Variants in CCDC85C observed in about 807,000 individuals in gnomAD.
CCDC85C encodes the protein coiled-coil domain-containing protein 85C.
In CCDC85C, 18 loss-of-function variants were observed where a neutral mutation model predicts 38.3. The ratio of observed to expected loss-of-function variants is 0.47; its 90% CI spans 0.33 to 0.70. CCDC85C has a LOEUF of 0.70. Ranked by LOEUF, CCDC85C falls within the 30% of genes least tolerant of loss-of-function variation. The pLI, the probability that CCDC85C is intolerant of heterozygous loss-of-function variation, is 0.03. For synonymous variants in CCDC85C, 264 were observed against 293.8 expected (o/e 0.90, Z 1.04); for missense variants, 566 against 621.2 (o/e 0.91, Z 0.94).
chr14:99,534,763 G>A (rs775992933), intron 2 of CCDC85C: 10 of 701,452 alleles, frequency 1.4e-5, no homozygotes, highest in Non-Finnish European at 2.6e-5. Context: ...TGAGACCCCA[G>A]CCCCTCCTGC....
intron 1 of CCDC85C, among the ~76,000 whole-genome samples, chr14:99,598,567 C>G (rs541864378): frequency 3.3e-5 from 5 of 152,316 alleles, no homozygotes; most frequent in Admixed American, 2.0e-4. Flanking sequence ...CACAGGGAGA[C>G]AGGAATGAGG....
chr14:99,521,776 G>A (rs1047961161), intron 3 of CCDC85C, among the ~76,000 whole-genome samples: 2 of 152,242 alleles, frequency 1.3e-5, no homozygotes, highest in Non-Finnish European at 2.9e-5. Flanking sequence ...CATCAGGCTG[G>A]TCATTTCAGT....
Position 99,510,464 on chromosome 14 carries a change from C to T in CCDC85C, c.*4782G>A, listed in dbSNP as rs1897099776. The T allele has an allele frequency of 1.3e-6, 2 of 1,511,400 alleles. No homozygotes were observed. The highest frequency in any genetic ancestry group is 3.0e-5 in the African/African-American group (2 of 67,712). 93.6% of individuals were successfully genotyped at this position (1,511,400 alleles called of 1,614,324 possible). A position where few individuals can be genotyped will look rare whatever the true frequency, so the allele number is the denominator to read the frequency against. ...CACCTGCACACCTGCCCTACCACCC[C>T]CATGTCTACCCGCCCAACCCGCCCC... On this transcript the variant is annotated 3_prime_UTR_variant, in exon 6 of 6. Coordinates refer to ENST00000380243, the MANE Select transcript of CCDC85C (RefSeq NM_001144995.2).
At chr14:99,531,143 C>A (rs1043837015) in intron 2 of CCDC85C, among the ~76,000 whole-genome samples, 4 of 151,860 alleles carry the variant, frequency 2.6e-5, no homozygotes, top group African/African-American at 9.7e-5. Context: ...GTGGGCACAG[C>A]GTGGGGGAAG....
Position 99,510,830 on chromosome 14 carries a change from G to A in CCDC85C, c.*4416C>T, listed in dbSNP as rs769407837. On this transcript the variant is annotated 3_prime_UTR_variant, in exon 6 of 6. Transcript: ENST00000380243. Reference sequence around the variant, plus strand: ...GTTTTTTTAACAAGATTTTCTAATCGACTTGCAGAGTAGTTGAAGTGGGTA... The same window carrying A: ...GTTTTTTTAACAAGATTTTCTAATCAACTTGCAGAGTAGTTGAAGTGGGTA... The A allele has an allele frequency of 5.8e-6, 8 of 1,375,060 alleles. No homozygotes were observed. Among genetic ancestry groups the A allele is most frequent in the Non-Finnish European group, 7.5e-6 (8 of 1,059,776 alleles). 85.2% of individuals were successfully genotyped at this position (1,375,060 alleles called of 1,614,324 possible).
chr14:99,522,343 G>A (rs983664879), intron 2 of CCDC85C, 103 bp from the exon 3 acceptor site: 6 of 803,084 alleles, frequency 7.5e-6, no homozygotes, highest in South Asian at 1.8e-5. Flanking sequence ...TCAAAGGCAC[G>A]GCCCCGGAGG....
chr14:99,518,795 G>T (rs1467567763), intron 3 of CCDC85C, among the ~76,000 whole-genome samples: 1 of 152,210 alleles, frequency 6.6e-6, no homozygotes, highest in African/African-American at 2.4e-5. Context: ...AGGCAGGAGG[G>T]AAGCCAGGAG....
chr14:99,589,987 G>A (rs2139985966), intron 1 of CCDC85C, among the ~76,000 whole-genome samples: 1 of 152,282 alleles, frequency 6.6e-6, no homozygotes, highest in South Asian at 2.1e-4. Context: ...TCAGAGGTTG[G>A]GTTGCACCAA....
At chr14:99,528,803 T>A (rs1192087787) in intron 2 of CCDC85C, among the ~76,000 whole-genome samples, 1 of 151,808 alleles carries the variant, frequency 6.6e-6, no homozygotes, top group African/African-American at 2.4e-5. Context: ...AGAGAACTCA[T>A]TTGTAGGGGG....
chr14:99,502,465 C>G lies in CCDC85C; in HGVS notation c.*12781G>C. On this transcript the variant is annotated 3_prime_UTR_variant, in exon 6 of 6. Transcript: ENST00000380243. ...CCCTGAGTCCCAAGAATGGATTTTC[C>G]CAGATAGACATATGTGAGCAATATT... 1 of 1,504,926 alleles carries G rather than the reference C, an allele frequency of 6.6e-7. No homozygotes were observed. 93.2% of individuals were successfully genotyped at this position (1,504,926 alleles called of 1,614,324 possible).
Position 99,604,081 on chromosome 14 carries a change from C to G in CCDC85C, c.-122G>C. Reference sequence around the variant, plus strand: ...CGGCCGGGGGCGCGTGCGGCCCGCCCCGCGCCGCCTGGCGCGTCCTCTCGC... The same window carrying G: ...CGGCCGGGGGCGCGTGCGGCCCGCCGCGCGCCGCCTGGCGCGTCCTCTCGC... On this transcript the variant is annotated 5_prime_UTR_variant, in exon 1 of 6. Transcript: ENST00000380243. 6 of 952,466 alleles carry G rather than the reference C, an allele frequency of 6.3e-6. No individual in the cohort carries two copies. The highest frequency in any genetic ancestry group is 7.5e-6 in the Non-Finnish European group (6 of 803,492). 59.0% of individuals were successfully genotyped at this position (952,466 alleles called of 1,614,324 possible).
At chr14:99,593,137 A>C (rs957963895) in intron 1 of CCDC85C, among the ~76,000 whole-genome samples, 3 of 152,214 alleles carry the variant, frequency 2.0e-5, no homozygotes, top group African/African-American at 7.2e-5. Flanking sequence ...GTGCGCGGTG[A>C]CAGGCGGGCG....
At position 99,552,523 on chromosome 14, in the gene CCDC85C, G is replaced by A. The variant is rs146230197; in HGVS notation, c.794-16435C>T. Among the ~76,000 whole-genome samples, 1,097 of 152,322 alleles carry A rather than the reference G, an allele frequency of 7.2e-3. 3 individuals are homozygous for A. The highest frequency in any genetic ancestry group is 0.01 in the Non-Finnish European group (712 of 68,030). On this transcript the variant is annotated intron_variant, in intron 1 of 5. Transcript: ENST00000380243. ...TGTCCCCTCAGTCCGGTGGGACGAG[G>A]TCAGACTCTCTAGACCTCTCAAAGG...
rs1159223415 is a variant in CCDC85C, at chr14:99,576,902, G to A, written c.793+26265C>T. 6.6e-6 allele frequency among the ~76,000 whole-genome samples: 1 copy of A among 151,900 alleles called. No individual in the cohort carries two copies. The highest frequency in any genetic ancestry group is 1.5e-5 in the Non-Finnish European group (1 of 67,948). On this transcript the variant is annotated intron_variant, in intron 1 of 5. Transcript: ENST00000380243. The surrounding 1 kb of genome is among the most constrained non-coding windows in gnomAD (Gnocchi z 4.8). ...CTCCGGGTCACCCCGGATGCCTTCA[G>A]CACAGCTCCTACCCACACCCACTGC...
intron 2 of CCDC85C, among the ~76,000 whole-genome samples, chr14:99,524,820 T>A (rs4905846): frequency 0.88 from 133,446 of 152,256 alleles, 60,485 homozygotes; most frequent in East Asian, 1. Flanking sequence ...TGGCCCTTCC[T>A]CAGGGGGAGG....
At chr14:99,517,889 C>A (rs1897250770) in intron 3 of CCDC85C, among the ~76,000 whole-genome samples, 1 of 152,236 alleles carries the variant, frequency 6.6e-6, no homozygotes, top group East Asian at 1.9e-4. Flanking sequence ...AGGGGCCCAA[C>A]AGAAACCAGC....
chr14:99,567,991 A>G (rs1172154903), intron 1 of CCDC85C, among the ~76,000 whole-genome samples: 1 of 151,200 alleles, frequency 6.6e-6, no homozygotes, highest in Admixed American at 6.6e-5. Context: ...ACTGCCCCCC[A>G]CTCCCACCCC....
At chr14:99,566,019 C>T (rs1025265434) in intron 1 of CCDC85C, among the ~76,000 whole-genome samples, 3 of 152,192 alleles carry the variant, frequency 2.0e-5, no homozygotes, top group Admixed American at 6.5e-5. Flanking sequence ...TCCTGGGCAC[C>T]GCTGACCATG....
chr14:99,583,556 C>T (rs1361716784), intron 1 of CCDC85C, among the ~76,000 whole-genome samples: 1 of 150,834 alleles, frequency 6.6e-6, no homozygotes, highest in African/African-American at 2.4e-5. Context: ...CCTGTTATCC[C>T]AGCACTTTGG....
Sources: allele counts gnomAD v4.1 joint callset (sites outside exome capture counted in the v4.1 genomes callset), GRCh38; gene constraint gnomAD v4.1.1; non-coding constraint Gnocchi (gnomAD v3.1); transcripts MANE v1.5; gene names NCBI Gene and HGNC (gene_info 2026-07-23, HGNC 2026-07-21).